DDX51: variants seen among roughly 807,000 people sequenced by gnomAD.
The protein encoded by DDX51 is ATP-dependent RNA helicase DDX51.
DDX51 carries 67 observed loss-of-function variants against 74.6 expected under a neutral mutation model. The observed-to-expected ratio is 0.90, with a 90% CI of 0.74 to 1.10. The LOEUF is 1.10. Among genes scored for constraint, DDX51 ranks in the 50% least tolerant of loss-of-function variants. The probability of loss-of-function intolerance (pLI) is 0.00; values close to 1 mark genes in which losing one functional copy is unlikely to be tolerated. For synonymous variants in DDX51, 545 were observed against 402.9 expected (o/e 1.35, Z -4.22); for missense variants, 1,056 against 905.2 (o/e 1.17, Z -2.14).
Position 132,141,744 on chromosome 12 carries a change from C to T in DDX51, c.995+106G>A, listed in dbSNP as rs112903364. The T allele has an allele frequency of 6.0e-5, 89 of 1,471,624 alleles. 2 individuals carry two copies. The South Asian group carries it at 1.0e-3, about 17-fold the overall frequency. The allele number at this position is 1,471,624 out of a possible 1,614,324, so 91.2% of individuals were successfully genotyped here. On this transcript the variant is annotated intron_variant, in intron 6 of 14. Coordinates refer to ENST00000397333, the MANE Select transcript of DDX51 (RefSeq NM_175066.4). ...TGGGAGCTCCTCCTCTTCACGGGAA[C>T]AGGTGGTTAAAGATGGTGGCCCCTC... is the stretch of plus-strand genomic sequence containing the variant.
rs1897390455 is a variant in DDX51, at chr12:132,140,157, C to T, written c.1716G>A (p.Gln572=). ...CGTAGTTCACCACCAGCTCCACACCCTGCACGTCGATGCCTCGCGCGGTGG... is the reference window on the plus strand; with the variant it reads ...CGTAGTTCACCACCAGCTCCACACCTTGCACGTCGATGCCTCGCGCGGTGG... The part of the protein sequence containing the change: ...TDATARGIDV[Q]GVELVVNYDA... The change falls in exon 12 of 15, where the codon CAG becomes CAA. Residue 572 remains glutamine, a synonymous_variant. Coordinates refer to ENST00000397333, the MANE Select transcript of DDX51 (RefSeq NM_175066.4). The T allele has an allele frequency of 1.2e-6, 2 of 1,612,932 alleles. No homozygotes were observed. Among genetic ancestry groups the T allele is most frequent in the Non-Finnish European group, 1.7e-6 (2 of 1,179,990 alleles).
chr12:132,144,139 T>C lies in DDX51; in HGVS notation c.158A>G (p.Gln53Arg). The C allele has an allele frequency of 8.4e-7, 1 of 1,190,016 alleles. No homozygotes were observed. Among genetic ancestry groups the C allele is most frequent in the South Asian group, 4.1e-5 (1 of 24,490 alleles). 73.7% of individuals were successfully genotyped at this position (1,190,016 alleles called of 1,614,324 possible). ...RERQQQREPA[Q>R]TEAAASTEPA... ...CTCGGTCGATGCAGCCGCCTCGGTCTGCGCGGGCTCCCGCTGCTGCTGCCG... is the reference window on the plus strand; with the variant it reads ...CTCGGTCGATGCAGCCGCCTCGGTCCGCGCGGGCTCCCGCTGCTGCTGCCG... The change falls in exon 1 of 15, where the codon CAG (glutamine) becomes CGG (arginine). Residue 53 changes from glutamine to arginine, a missense_variant. Physicochemically the swap from Gln to Arg is conservative, Grantham distance 43 (BLOSUM62 1). Transcript: ENST00000397333.
At chr12:132,142,240 C>T in intron 4 of DDX51, 37 bp downstream of exon 4, 3 of 1,607,452 alleles carry the variant, frequency 1.9e-6, no homozygotes, top group Non-Finnish European at 8.5e-7. Flanking sequence ...CTGTCCTCTG[C>T]ACACCCGCTG....
Position 132,143,705 on chromosome 12 carries a change from T to G in DDX51, c.509A>C (p.Lys170Thr). The change falls in exon 2 of 15, where the codon AAG becomes ACG. Residue 170 changes from lysine to threonine, a missense_variant. Physicochemically the swap from Lys to Thr is moderately conservative, Grantham distance 78 (BLOSUM62 -1). Coordinates refer to ENST00000397333, the MANE Select transcript of DDX51 (RefSeq NM_175066.4). ...CCCGCCGAGGCTCACCTTCGGCGCC[T>G]TCCTCTTCCCGAACCCCCCCAGCAC... ...GLVLGGFGKR[K>T]APKVQPFLPR... 1 of 1,540,238 alleles carries G rather than the reference T, an allele frequency of 6.5e-7. No homozygotes were observed. Among genetic ancestry groups the G allele is most frequent in the Non-Finnish European group, 8.7e-7 (1 of 1,145,162 alleles).
chr12:132,139,530 C>T, intron 14 of DDX51, 105 bp downstream of exon 14: 3 of 1,604,566 alleles, frequency 1.9e-6, no homozygotes, highest in Non-Finnish European at 2.6e-6. Flanking sequence ...CCTCTGTTGC[C>T]TTCTCGCTTT....
chr12:132,142,692 G>A (rs987673581), intron 3 of DDX51, 36 bp downstream of exon 3: 7 of 1,608,522 alleles, frequency 4.4e-6, no homozygotes, highest in East Asian at 2.2e-5. Context: ...TGCCCAGGGA[G>A]GTGTTCCCTC....
intron 2 of DDX51, 129 bp from the exon 3 acceptor site, chr12:132,143,007 G>A (rs145508857): frequency 0.014 from 17,003 of 1,258,566 alleles, 531 homozygotes; most frequent in South Asian, 0.055. Flanking sequence ...CTCAGCCCCA[G>A]GATGCGCTTT....
Position 132,142,618 on chromosome 12 carries a change from C to G in DDX51, c.670+110G>C, listed in dbSNP as rs148963080. 28 of 1,516,242 alleles carry G rather than the reference C, an allele frequency of 1.8e-5. No homozygotes were observed. In the East Asian group the frequency reaches 5.7e-4, roughly 31 times the overall value. 93.9% of individuals were successfully genotyped at this position (1,516,242 alleles called of 1,614,324 possible). ...AACCATGAGCTTGAGAGTGCTGAGA[C>G]CACACTTGGCACCGATGTGGCAGGG... is the stretch of plus-strand genomic sequence containing the variant. On this transcript the variant is annotated intron_variant, in intron 3 of 14. Transcript: ENST00000397333.
chr12:132,140,680 A>C lies in DDX51; in HGVS notation c.1496T>G (p.Val499Gly), dbSNP rs1897418050. Residue 499 changes from valine (V) to glycine (G), a missense_variant, in exon 10 of 15, where the codon GTC becomes GGC. Val to Gly is a moderately radical substitution (Grantham distance 109). Transcript: ENST00000397333. ...SSKPLVVLHLVLEMGFSRVLC... is the reference protein window; with the variant it reads ...SSKPLVVLHLGLEMGFSRVLC... ...AACCCTCGAGAAGCCCATCTCCAGGACCAGGTGCAGGACGACCAGCGGCTT... is the reference window on the plus strand; with the variant it reads ...AACCCTCGAGAAGCCCATCTCCAGGCCCAGGTGCAGGACGACCAGCGGCTT... 3 of 1,613,082 alleles carry C rather than the reference A, an allele frequency of 1.9e-6. No homozygotes were observed. The highest frequency in any genetic ancestry group is 2.5e-6 in the Non-Finnish European group (3 of 1,180,022).
chr12:132,144,201 G>A lies in DDX51; in HGVS notation c.96C>T (p.Arg32=). The part of the protein sequence containing the change: ...GAEAGAHGRA[R]ALLERLQSRA... ...GGCTCTGCAGCCGCTCGAGCAGCGCGCGGGCCCTGCCGTGCGCCCCGGCCT... is the reference window on the plus strand; with the variant it reads ...GGCTCTGCAGCCGCTCGAGCAGCGCACGGGCCCTGCCGTGCGCCCCGGCCT... Residue 32 remains arginine, a synonymous_variant, in exon 1 of 15, where the codon CGC becomes CGT. Transcript: ENST00000397333. 1.7e-6 allele frequency: 2 copies of A among 1,186,804 alleles called. No homozygotes were observed. Among genetic ancestry groups the A allele is most frequent in the Non-Finnish European group, 2.1e-6 (2 of 959,664 alleles). 73.5% of individuals were successfully genotyped at this position (1,186,804 alleles called of 1,614,324 possible).
At position 132,138,203 on chromosome 12, in the gene DDX51, G is replaced by A. The variant is rs1897321840; in HGVS notation, c.*1069C>T. The A allele has an allele frequency of 1.3e-5, 2 of 152,472 alleles. No homozygotes were observed. The highest frequency in any genetic ancestry group is 3.9e-4 in the East Asian group (2 of 5,194). 9.4% of individuals were successfully genotyped at this position (152,472 alleles called of 1,614,324 possible). A position where few individuals can be genotyped will look rare whatever the true frequency, so the allele number is the denominator to read the frequency against. On this transcript the variant is annotated 3_prime_UTR_variant, in exon 15 of 15. Coordinates refer to ENST00000397333, the MANE Select transcript of DDX51 (RefSeq NM_175066.4). ...CATAGGAGAGGAAGTGCTGGGTCATGAGTGACTCTGTGTTTAACGCCCCAA... is the reference window on the plus strand; with the variant it reads ...CATAGGAGAGGAAGTGCTGGGTCATAAGTGACTCTGTGTTTAACGCCCCAA...
intron 5 of DDX51, 80 bp downstream of exon 5, chr12:132,142,039 C>A (rs928758605): frequency 1.2e-6 from 2 of 1,601,794 alleles, no homozygotes; most frequent in Non-Finnish European, 1.7e-6. Flanking sequence ...TAATCTGGGT[C>A]CCCCAGGGGC....
At chr12:132,142,602 C>G in intron 3 of DDX51, 126 bp downstream of exon 3, 1 of 1,486,932 alleles carries the variant, frequency 6.7e-7, no homozygotes, top group Non-Finnish European at 9.0e-7. Context: ...GAACCATGAG[C>G]TTGAGAGTGC....
In DDX51 at chr12:132,142,806, G is replaced by C; in HGVS notation, c.592C>G (p.Pro198Ala). The change falls in exon 3 of 15, where the codon CCT (proline) becomes GCT (alanine). Residue 198 changes from proline to alanine, a missense_variant. Coordinates refer to ENST00000397333, the MANE Select transcript of DDX51 (RefSeq NM_175066.4). ...TGGACGTCAGGGATGTCCTCGATAG[G>C]AACCAGGTCTTCGGTGACATTCCTT... is the stretch of plus-strand genomic sequence containing the variant. Reference protein sequence around the residue: ...VRRNVTEDLVPIEDIPDVHPD... With the variant: ...VRRNVTEDLVAIEDIPDVHPD... 1 of 1,613,112 alleles carries C rather than the reference G, an allele frequency of 6.2e-7. No individual in the cohort carries two copies. Among genetic ancestry groups the C allele is most frequent in the Non-Finnish European group, 8.5e-7 (1 of 1,180,024 alleles).
rs765432474 is a variant in DDX51 at position 132,139,829 on chromosome 12, A to G, written c.1839+32T>C. 4 of 1,612,846 alleles carry G rather than the reference A, an allele frequency of 2.5e-6. No homozygotes were observed. The Admixed American group carries it at 6.7e-5, about 27-fold the overall frequency. On this transcript the variant is annotated intron_variant, in intron 13 of 14. Transcript: ENST00000397333. ...GGCCAGCCCCTTAACACCCACCAACAGCAGAAACTCCCAAGACCCTCGCAG... is the reference window on the plus strand; with the variant it reads ...GGCCAGCCCCTTAACACCCACCAACGGCAGAAACTCCCAAGACCCTCGCAG...
chr12:132,142,747 G>A lies in DDX51; in HGVS notation c.651C>T (p.Gly217=). ...PDLQKQLRAH[G]ISSYFPVQAA... is the part of the protein sequence containing the mutation. ...GGGCACCTGGAAAGTAGGACGAGAT[G>A]CCGTGTGCCCGCAGCTGCTTCTGCA... Residue 217 remains glycine, a synonymous_variant, in exon 3 of 15, where the codon GGC becomes GGT. Coordinates refer to ENST00000397333, the MANE Select transcript of DDX51 (RefSeq NM_175066.4). The A allele has an allele frequency of 7.4e-6, 12 of 1,612,920 alleles. No individual in the cohort carries two copies. The highest frequency in any genetic ancestry group is 1.0e-5 in the Non-Finnish European group (12 of 1,179,996).
rs1189685963 is a variant in DDX51, at chr12:132,136,757, C to T, written c.*2515G>A. ...CTTGGCCCACTGCAACCTCCACCTC[C>T]CGGGCAAGTGATTCTCCTGCCTCAG... On this transcript the variant is annotated 3_prime_UTR_variant, in exon 15 of 15. Transcript: ENST00000397333. 2.0e-5 allele frequency: 3 copies of T among 152,302 alleles called. No individual in the cohort carries two copies. The highest frequency in any genetic ancestry group is 7.2e-5 in the African/African-American group (3 of 41,442). 9.4% of individuals were successfully genotyped at this position (152,302 alleles called of 1,614,324 possible). A position where few individuals can be genotyped will look rare whatever the true frequency, so the allele number is the denominator to read the frequency against.
rs1460212359 is a variant in DDX51 at position 132,144,203 on chromosome 12, G to A, written c.94C>T (p.Arg32Cys). The A allele has an allele frequency of 1.3e-5, 16 of 1,188,712 alleles. No homozygotes were observed. Among genetic ancestry groups the A allele is most frequent in the African/African-American group, 1.6e-5 (1 of 62,514 alleles). The allele number at this position is 1,188,712 out of a possible 1,614,324, so 73.6% of individuals were successfully genotyped here. Residue 32 changes from arginine (R) to cysteine (C), a missense_variant, in exon 1 of 15, where the codon CGC (arginine) becomes TGC (cysteine). Coordinates refer to ENST00000397333, the MANE Select transcript of DDX51 (RefSeq NM_175066.4). ...CTCTGCAGCCGCTCGAGCAGCGCGC[G>A]GGCCCTGCCGTGCGCCCCGGCCTCC... ...GAEAGAHGRARALLERLQSRA... is the reference protein window; with the variant it reads ...GAEAGAHGRACALLERLQSRA...
At position 132,143,923 on chromosome 12, in the gene DDX51, A is replaced by G. The variant is rs1391814090; in HGVS notation, c.305-14T>C. ...CCTCGTTGCTTTCTGCGAGGCAGAC[A>G]CCCACCCGGCAGCGCGTCAGCACCG... is the stretch of plus-strand genomic sequence containing the variant. On this transcript the variant is annotated splice_polypyrimidine_tract_variant and intron_variant, in intron 1 of 14. Coordinates refer to ENST00000397333, the MANE Select transcript of DDX51 (RefSeq NM_175066.4). The G allele has an allele frequency of 1.3e-6, 2 of 1,511,144 alleles. No individual in the cohort carries two copies. The highest frequency in any genetic ancestry group is 1.8e-6 in the Non-Finnish European group (2 of 1,137,306). The allele number at this position is 1,511,144 out of a possible 1,614,324, so 93.6% of individuals were successfully genotyped here.
Sources: allele counts gnomAD v4.1 joint callset, GRCh38; gene constraint gnomAD v4.1.1; transcripts MANE v1.5; gene names NCBI Gene and HGNC (gene_info 2026-07-23, HGNC 2026-07-21).